The following GRIN2B variants were observed in gnomAD, a reference collection of about 807,000 sequenced individuals.
The protein encoded by GRIN2B is glutamate ionotropic receptor NMDA type subunit 2B, also known as glutamate receptor ionotropic, NMDA 2B.
GRIN2B carries 5 observed loss-of-function variants against 114.5 expected under a neutral mutation model. The ratio of observed to expected loss-of-function variants is 0.04; its 90% CI spans 0.02 to 0.09. The LOEUF (loss-of-function observed/expected upper bound fraction) is 0.09, where lower values mean the gene tolerates loss of function less well. Ranked by LOEUF, GRIN2B falls within the 10% of genes least tolerant of loss-of-function variation. The pLI, the probability that GRIN2B is intolerant of heterozygous loss-of-function variation, is 1.00. For missense variants in GRIN2B, 1,108 were observed against 1,943.5 expected (o/e 0.57, Z 8.08); for synonymous variants, 787 against 745.1 (o/e 1.06, Z -0.92).
At chr12:13,962,989 C>T (rs1867724084) in intron 2 of GRIN2B, among the ~76,000 whole-genome samples, 1 of 152,196 alleles carries the variant, frequency 6.6e-6, no homozygotes, top group Non-Finnish European at 1.5e-5. Flanking sequence ...CCACCTCTTC[C>T]TTTTACCCTG....
At chr12:13,647,196 G>A (rs1202329384) in intron 5 of GRIN2B, among the ~76,000 whole-genome samples, 1 of 152,066 alleles carries the variant, frequency 6.6e-6, no homozygotes, top group Non-Finnish European at 1.5e-5. Flanking sequence ...TAAGAAGTAT[G>A]TGCTGTTTAA....
In GRIN2B at chr12:13,783,214, G is replaced by C. The variant is rs150696010; in HGVS notation, c.412-29299C>G. 6.3e-3 allele frequency among the ~76,000 whole-genome samples: 964 copies of C among 151,838 alleles called. 10 individuals are homozygous for C. Among genetic ancestry groups the C allele is most frequent in the African/African-American group, 0.023 (934 of 41,386 alleles). On this transcript the variant is annotated intron_variant, in intron 3 of 13. Coordinates refer to ENST00000609686, the MANE Select transcript of GRIN2B (RefSeq NM_000834.5). ...TCTTCCAGATGAATTCATCTCTTTCGCACCCCAATCACCAAGGGGCAGGAC... is the reference window on the plus strand; with the variant it reads ...TCTTCCAGATGAATTCATCTCTTTCCCACCCCAATCACCAAGGGGCAGGAC...
intron 4 of GRIN2B, among the ~76,000 whole-genome samples, chr12:13,724,536 G>A (rs74065250): frequency 2.0e-3 from 301 of 152,198 alleles, no homozygotes; most frequent in African/African-American, 6.8e-3. Flanking sequence ...GAAGACTTTG[G>A]CAAAATATTG....
chr12:13,926,351 G>A (rs1331190608), intron 2 of GRIN2B, among the ~76,000 whole-genome samples: 4 of 151,994 alleles, frequency 2.6e-5, no homozygotes, highest in Non-Finnish European at 4.4e-5. Context: ...CGGGGCTATC[G>A]ACCCTTGCCT....
rs1022182345 is a variant in GRIN2B, at chr12:13,562,717, A to G, written c.*66T>C. 1.6e-5 allele frequency: 20 copies of G among 1,273,772 alleles called. No homozygotes were observed. The highest frequency in any genetic ancestry group is 2.3e-5 in the Non-Finnish European group (20 of 869,962). 78.9% of individuals were successfully genotyped at this position (1,273,772 alleles called of 1,614,324 possible). On this transcript the variant is annotated 3_prime_UTR_variant, in exon 14 of 14. Transcript: ENST00000609686. ...AAGTTCACCCCCGTCACCCTCCGTGACATGCGCATCACGCGACCCACAGCC... is the reference window on the plus strand; with the variant it reads ...AAGTTCACCCCCGTCACCCTCCGTGGCATGCGCATCACGCGACCCACAGCC...
At chr12:13,648,293 C>T (rs1051314601) in intron 5 of GRIN2B, among the ~76,000 whole-genome samples, 1 of 152,036 alleles carries the variant, frequency 6.6e-6, no homozygotes, top group Admixed American at 6.6e-5. Context: ...GTGAGGGAAA[C>T]ACAGGGTGAG....
In GRIN2B at chr12:13,555,423, A is replaced by AAGAT. The variant is rs1948467464; in HGVS notation, c.*7356_*7359dup. On this transcript the variant is annotated 3_prime_UTR_variant, in exon 14 of 14. Coordinates refer to ENST00000609686, the MANE Select transcript of GRIN2B (RefSeq NM_000834.5). Reference sequence around the variant, plus strand: ...CCCTTTTGAGAAGTTGGGAAGTGAAAAGATAGCGATAGGACAGAAATTCAA... The same window carrying AAGAT: ...CCCTTTTGAGAAGTTGGGAAGTGAAAAGATAGATAGCGATAGGACAGAAATTCAA... 1 of 152,226 alleles carries AAGAT rather than the reference A, an allele frequency of 6.6e-6. No individual in the cohort carries two copies. Among genetic ancestry groups the AAGAT allele is most frequent in the Non-Finnish European group, 1.5e-5 (1 of 68,070 alleles). The allele number at this position is 152,226 out of a possible 1,614,324, so 9.4% of individuals were successfully genotyped here.
In GRIN2B at chr12:13,585,963, T is replaced by G. The variant is rs192886357; in HGVS notation, c.2011-13999A>C. Among the ~76,000 whole-genome samples the G allele has an allele frequency of 1.8e-4, 28 of 152,354 alleles. No individual in the cohort carries two copies. In the East Asian group the frequency reaches 5.4e-3, roughly 29 times the overall value. On this transcript the variant is annotated intron_variant, in intron 10 of 13. Coordinates refer to ENST00000609686, the MANE Select transcript of GRIN2B (RefSeq NM_000834.5). Reference sequence around the variant, plus strand: ...GCTTTTAGGACTAATGGGATGCCAGTGTACTTCAGTTGTCCTTAATGGACC... The same window carrying G: ...GCTTTTAGGACTAATGGGATGCCAGGGTACTTCAGTTGTCCTTAATGGACC...
chr12:13,751,839 T>C (rs558099149), intron 4 of GRIN2B, among the ~76,000 whole-genome samples: 8 of 151,918 alleles, frequency 5.3e-5, no homozygotes, highest in African/African-American at 1.9e-4. Context: ...AGGAAGAGGG[T>C]CTAGAACCCC....
At chr12:13,588,188 C>T (rs1478249494) in intron 10 of GRIN2B, among the ~76,000 whole-genome samples, 1 of 152,134 alleles carries the variant, frequency 6.6e-6, no homozygotes, top group Non-Finnish European at 1.5e-5. Context: ...TAGCCTACTT[C>T]AAAATTCTTG....
chr12:13,752,984 T>C (rs776995118), intron 4 of GRIN2B, among the ~76,000 whole-genome samples: 1 of 152,216 alleles, frequency 6.6e-6, no homozygotes, highest in Non-Finnish European at 1.5e-5. Context: ...CATTGTATAA[T>C]TTACACCTCC....
intron 2 of GRIN2B, among the ~76,000 whole-genome samples, chr12:13,960,776 GAGACGGATTGGGT>G (rs1218864162): frequency 1.5e-4 from 23 of 152,346 alleles, no homozygotes; most frequent in African/African-American, 5.3e-4. Flanking sequence ...CCGTAATGAA[GAGACGGATTGGGT>G]CAGGACAAAG....
chr12:13,850,605 C>G (rs1865544523), intron 3 of GRIN2B, among the ~76,000 whole-genome samples: 1 of 152,146 alleles, frequency 6.6e-6, no homozygotes, highest in African/African-American at 2.4e-5. Context: ...CTTGTCTCTC[C>G]CTTGGCTATT....
At chr12:13,566,997 C>T in intron 13 of GRIN2B, 28 bp downstream of exon 13, 1 of 1,485,464 alleles carries the variant, frequency 6.7e-7, no homozygotes, top group Non-Finnish European at 9.4e-7. Context: ...CCCTAACAAG[C>T]TTTAGGCATT....
chr12:13,831,149 C>T (rs1358238239), intron 3 of GRIN2B, among the ~76,000 whole-genome samples: 2 of 152,206 alleles, frequency 1.3e-5, no homozygotes, highest in African/African-American at 4.8e-5. Flanking sequence ...TCCCCTTCAC[C>T]TTCCACCTTC....
At chr12:13,634,099 T>C (rs888601195) in intron 5 of GRIN2B, 3 of 152,218 alleles carry the variant, frequency 2.0e-5, no homozygotes, top group African/African-American at 7.2e-5. Context: ...GATTTGGCCA[T>C]GTTCCTACTC....
intron 3 of GRIN2B, among the ~76,000 whole-genome samples, chr12:13,825,496 T>TTTTTGTGTGTGTGTG (rs375940899): frequency 8.1e-6 from 1 of 122,994 alleles, no homozygotes; most frequent in African/African-American, 3.1e-5. Flanking sequence ...TATATATATT[T>TTTTTGTGTGTGTGTG]TGTGTGTGTG....
chr12:13,924,841 T>C (rs1006789215), intron 2 of GRIN2B, among the ~76,000 whole-genome samples: 4 of 152,098 alleles, frequency 2.6e-5, no homozygotes, highest in African/African-American at 9.7e-5. Flanking sequence ...TAAATGGTAA[T>C]CTGCATTTTA....
intron 4 of GRIN2B, among the ~76,000 whole-genome samples, chr12:13,699,283 C>A (rs1300986924): frequency 6.6e-6 from 1 of 152,050 alleles, no homozygotes; most frequent in African/African-American, 2.4e-5. Context: ...TGTTGTGCTA[C>A]AAAGTAGGAC....
Sources: allele counts gnomAD v4.1 joint callset (sites outside exome capture counted in the v4.1 genomes callset), GRCh38; gene constraint gnomAD v4.1.1; transcripts MANE v1.5; gene names NCBI Gene and HGNC (gene_info 2026-07-23, HGNC 2026-07-21).